EPHA4: variants seen among roughly 807,000 people sequenced by gnomAD.
The protein encoded by EPHA4 is ephrin type-A receptor 4.
EPHA4 carries 19 observed loss-of-function variants against 108.3 expected under a neutral mutation model. That is an observed-to-expected ratio of 0.18 (90% CI 0.12 to 0.26). The LOEUF (loss-of-function observed/expected upper bound fraction) is 0.26. Ranked by LOEUF, EPHA4 falls within the 10% of genes least tolerant of loss-of-function variation. The probability of loss-of-function intolerance (pLI) is 1.00; values close to 1 mark genes in which losing one functional copy is unlikely to be tolerated. For missense variants in EPHA4, 917 were observed against 1,254.0 expected (o/e 0.73, Z 4.06); for synonymous variants, 449 against 455.5 (o/e 0.99, Z 0.18).
intron 3 of EPHA4, among the ~76,000 whole-genome samples, chr2:221,560,142 TG>T (rs1470189595): frequency 6.8e-6 from 1 of 147,904 alleles, no homozygotes; most frequent in African/African-American, 2.5e-5. Flanking sequence ...AAGGATCCTT[TG>T]TCAAACATTT....
At chr2:221,445,589 GAAAA>G (rs35067500) in intron 9 of EPHA4, among the ~76,000 whole-genome samples, 1 of 88,426 alleles carries the variant, frequency 1.1e-5, no homozygotes, top group African/African-American at 4.8e-5. Context: ...GACTCCGTCA[GAAAA>G]AAAAAAAAAA....
chr2:221,497,340 A>G (rs1209000597), intron 4 of EPHA4, among the ~76,000 whole-genome samples: 1 of 152,212 alleles, frequency 6.6e-6, no homozygotes, highest in Non-Finnish European at 1.5e-5. Flanking sequence ...CAGTGGTTAC[A>G]GCCAAGGCGA....
Position 221,455,582 on chromosome 2 carries a change from C to A in EPHA4, c.1680G>T (p.Val560=). The change falls in exon 8 of 18, where the codon GTG becomes GTT. Residue 560 remains valine, a synonymous_variant. Coordinates refer to ENST00000281821, the MANE Select transcript of EPHA4 (RefSeq NM_004438.5). The part of the protein sequence containing the change: ...LVSVSGSVVL[V]VILIAAFVIS... Reference sequence around the variant, plus strand: ...TGACAAAAGCTGCAATGAGAATTACCACCAGCACCACACTGCCCGAGACAG... The same window carrying A: ...TGACAAAAGCTGCAATGAGAATTACAACCAGCACCACACTGCCCGAGACAG... 6.2e-7 allele frequency: 1 copy of A among 1,613,942 alleles called. No individual in the cohort carries two copies.
At chr2:221,497,239 C>T (rs369564102) in intron 4 of EPHA4, among the ~76,000 whole-genome samples, 22 of 152,212 alleles carry the variant, frequency 1.4e-4, no homozygotes, top group African/African-American at 4.8e-4. Flanking sequence ...CTTAAAACAG[C>T]CCCAGAGGTA....
chr2:221,526,852 CAAAAAAAAAAAAAAAAAAAAAAAAA>C (rs528335766), intron 3 of EPHA4, among the ~76,000 whole-genome samples: 9 of 48,608 alleles, frequency 1.9e-4, no homozygotes, highest in East Asian at 7.3e-4. Flanking sequence ...GACTCGGCCT[CAAAAAAAAAAAAAAAAAAAAAAAAA>C]AAAAAAAAAA....
chr2:221,436,625 T>G lies in EPHA4; in HGVS notation c.2137-17A>C. 1 of 1,611,522 alleles carries G rather than the reference T, an allele frequency of 6.2e-7. No homozygotes were observed. Among genetic ancestry groups the G allele is most frequent in the Non-Finnish European group, 8.5e-7 (1 of 1,178,054 alleles). On this transcript the variant is annotated splice_polypyrimidine_tract_variant and intron_variant, in intron 12 of 17. Transcript: ENST00000281821. ...ATCATTTTTCTGCATAGAAAAGGAG[T>G]GAGGAACAATCTCATTAGCATTAGG...
rs201924790 is a variant in EPHA4, at chr2:221,482,705, C to T, written c.980-15G>A. On this transcript the variant is annotated splice_polypyrimidine_tract_variant and intron_variant, in intron 4 of 17. Transcript: ENST00000281821. ...AGATGGTGGACCTGGAGAAAGAAAA[C>T]CACATCATCACACCAAGAACCGAAA... 78 of 1,572,988 alleles carry T rather than the reference C, an allele frequency of 5.0e-5. No individual in the cohort carries two copies. In the African/African-American group the frequency reaches 7.6e-4, roughly 15 times the overall value.
chr2:221,505,497 T>C (rs1692601768), intron 3 of EPHA4, among the ~76,000 whole-genome samples: 1 of 152,072 alleles, frequency 6.6e-6, no homozygotes, highest in African/African-American at 2.4e-5. Context: ...GGCTAATTTT[T>C]ATATTTTTAG....
At chr2:221,549,326 TGTAAA>T (rs937241078) in intron 3 of EPHA4, among the ~76,000 whole-genome samples, 7 of 152,220 alleles carry the variant, frequency 4.6e-5, no homozygotes, top group Admixed American at 3.3e-4. Flanking sequence ...TCAAAACCAA[TGTAAA>T]GTATTTACAA....
At chr2:221,470,232 TGCTTG>T (rs1287099923) in intron 5 of EPHA4, among the ~76,000 whole-genome samples, 2 of 151,962 alleles carry the variant, frequency 1.3e-5, no homozygotes, top group African/African-American at 4.8e-5. Flanking sequence ...GTCCAAGTGT[TGCTTG>T]GCTTAAAGCA....
chr2:221,426,954 T>G (rs1185628172), intron 15 of EPHA4, among the ~76,000 whole-genome samples: 1 of 152,190 alleles, frequency 6.6e-6, no homozygotes, highest in East Asian at 1.9e-4. Context: ...CTGTTCAATC[T>G]TTGCAGAAAG....
At chr2:221,517,785 C>T (rs1445004519) in intron 3 of EPHA4, among the ~76,000 whole-genome samples, 1 of 152,208 alleles carries the variant, frequency 6.6e-6, no homozygotes, top group East Asian at 1.9e-4. Flanking sequence ...AAGAATGCCA[C>T]CCGCATGTGC....
intron 3 of EPHA4, among the ~76,000 whole-genome samples, chr2:221,515,888 A>AT (rs1488363360): frequency 6.7e-6 from 1 of 149,406 alleles, no homozygotes; most frequent in Non-Finnish European, 1.5e-5. Flanking sequence ...TCTACATTTT[A>AT]TTTTTTAAAA....
At chr2:221,466,554 C>T (rs550367889) in intron 5 of EPHA4, among the ~76,000 whole-genome samples, 20 of 152,298 alleles carry the variant, frequency 1.3e-4, no homozygotes, top group African/African-American at 4.6e-4. Flanking sequence ...ATTTAAAACT[C>T]AAGTCCACCT....
intron 7 of EPHA4, among the ~76,000 whole-genome samples, chr2:221,456,165 G>A (rs1438325876): frequency 2.7e-5 from 4 of 147,436 alleles, no homozygotes; most frequent in African/African-American, 1.0e-4. Context: ...TTTGTCCAAA[G>A]GGTCTTTAAA....
In EPHA4 at chr2:221,458,003, A is replaced by C. The variant is rs1691016466; in HGVS notation, c.1319-13T>G. 1 of 1,602,376 alleles carries C rather than the reference A, an allele frequency of 6.2e-7. No individual in the cohort carries two copies. Among genetic ancestry groups the C allele is most frequent in the African/African-American group, 1.3e-5 (1 of 74,338 alleles). On this transcript the variant is annotated splice_polypyrimidine_tract_variant and intron_variant, in intron 5 of 17. Coordinates refer to ENST00000281821, the MANE Select transcript of EPHA4 (RefSeq NM_004438.5). The stretch of plus-strand genomic sequence containing the variant: ...ATGGATGATGGTGCTGTTAGAAAAA[A>C]ACAAAAGACAAAAGATATTTTCTTT...
intron 10 of EPHA4, 77 bp from the exon 11 acceptor site, chr2:221,443,091 G>A: frequency 6.8e-7 from 1 of 1,464,632 alleles, no homozygotes; most frequent in Non-Finnish European, 9.4e-7. Flanking sequence ...CATTCCTTGA[G>A]TGCTTGTTAC....
At chr2:221,443,063 TGA>T in intron 10 of EPHA4, 49 bp from the exon 11 acceptor site, 1 of 927,464 alleles carries the variant, frequency 1.1e-6, no homozygotes, top group Non-Finnish European at 1.5e-6. Context: ...ACATTCAAGA[TGA>T]AAGAATAACA....
chr2:221,485,939 C>G (rs1290067498), intron 4 of EPHA4, among the ~76,000 whole-genome samples: 1 of 152,092 alleles, frequency 6.6e-6, no homozygotes, highest in African/African-American at 2.4e-5. Context: ...TCTGAGTAAT[C>G]TGAGCTCTCT....
Sources: gnomAD v4.1 joint callset for allele counts (sites outside exome capture counted in the v4.1 genomes callset) on GRCh38, gnomAD v4.1.1 for gene constraint, MANE v1.5 for transcripts, NCBI Gene and HGNC (gene_info 2026-07-23, HGNC 2026-07-21) for gene names.